The following ACTN1 variants were observed in gnomAD, a reference collection of about 807,000 sequenced individuals.
ACTN1 encodes actinin alpha 1.
Under a neutral mutation model 119.6 loss-of-function variants are expected in ACTN1, and 30 were observed. The ratio of observed to expected loss-of-function variants is 0.25; its 90% CI spans 0.19 to 0.34. The LOEUF (loss-of-function observed/expected upper bound fraction) is 0.34. Among genes scored for constraint, ACTN1 ranks in the 10% least tolerant of loss-of-function variants. The pLI, the probability that ACTN1 is intolerant of heterozygous loss-of-function variation, is 1.00. For synonymous variants in ACTN1, 429 were observed against 472.6 expected (o/e 0.91, Z 1.20); for missense variants, 764 against 1,223.4 (o/e 0.62, Z 5.60).
Position 68,979,268 on chromosome 14 carries a change from T to G in ACTN1, c.-212A>C. 1 of 302,208 alleles carries G rather than the reference T, an allele frequency of 3.3e-6. No individual in the cohort carries two copies. Among genetic ancestry groups the G allele is most frequent in the Non-Finnish European group, 5.9e-6 (1 of 169,188 alleles). 18.7% of individuals were successfully genotyped at this position (302,208 alleles called of 1,614,324 possible). A position where few individuals can be genotyped will look rare whatever the true frequency, so the allele number is the denominator to read the frequency against. The stretch of plus-strand genomic sequence containing the variant: ...GCTGGGCTCGCGGACTGCCTGCCTC[T>G]GGGCGGGCGCTTGGACCTAATCTCC... On this transcript the variant is annotated 5_prime_UTR_variant, in exon 1 of 22. Coordinates refer to ENST00000394419, the MANE Select transcript of ACTN1 (RefSeq NM_001130004.2).
chr14:68,928,720 T>C lies in ACTN1; in HGVS notation c.106-3048A>G, dbSNP rs2077431. ...CAGTGAACAGTGGGGAGGAGGAAGA[T>C]GACAGGACTAGCTCCCCCAAAATGA... On this transcript the variant is annotated intron_variant, in intron 1 of 21. Coordinates refer to ENST00000394419, the MANE Select transcript of ACTN1 (RefSeq NM_001130004.2). Among the ~76,000 whole-genome samples the C allele has an allele frequency of 3.9e-5, 6 of 151,964 alleles. No individual in the cohort carries two copies. In the East Asian group the frequency reaches 5.8e-4, roughly 15 times the overall value.
At chr14:68,895,372 A>G (rs2032797419) in intron 8 of ACTN1, among the ~76,000 whole-genome samples, 1 of 152,224 alleles carries the variant, frequency 6.6e-6, no homozygotes, top group Admixed American at 6.5e-5. Flanking sequence ...GGGGAATCCC[A>G]AGAAGCAACG....
chr14:68,935,390 T>C (rs1490995698), intron 1 of ACTN1, among the ~76,000 whole-genome samples: 2 of 67,646 alleles, frequency 3.0e-5, no homozygotes, highest in Admixed American at 1.5e-4. Flanking sequence ...TCTGTTCATT[T>C]TTTTTTTTTT....
intron 13 of ACTN1, 111 bp from the exon 14 acceptor site, chr14:68,884,419 G>A: frequency 7.6e-7 from 1 of 1,308,292 alleles, no homozygotes; most frequent in Non-Finnish European, 1.1e-6. Flanking sequence ...GACTCAATCA[G>A]GCAGAAAGAA....
At chr14:68,944,329 C>T (rs2035860146) in intron 1 of ACTN1, among the ~76,000 whole-genome samples, 1 of 152,172 alleles carries the variant, frequency 6.6e-6, no homozygotes, top group Non-Finnish European at 1.5e-5. Flanking sequence ...TTGGACTGGC[C>T]CGATGTTGGC....
chr14:68,929,006 A>ATGAG (rs2035074682), intron 1 of ACTN1, among the ~76,000 whole-genome samples: 1 of 133,750 alleles, frequency 7.5e-6, no homozygotes, highest in African/African-American at 2.9e-5. Context: ...ACTGTGGCAC[A>ATGAG]TTCGTGGGAG....
chr14:68,902,672 T>C, intron 7 of ACTN1, 110 bp from the exon 8 acceptor site: 2 of 881,332 alleles, frequency 2.3e-6, no homozygotes, highest in Non-Finnish European at 1.8e-6. Context: ...TGCCAAAATG[T>C]GGAGCCCGAA....
At chr14:68,881,955 T>TTTTTTTTTGA (rs58500225) in intron 16 of ACTN1, among the ~76,000 whole-genome samples, 1,658 of 102,708 alleles carry the variant, frequency 0.016, 222 homozygotes, top group African/African-American at 0.037. Context: ...TTTTTTTTTT[T>TTTTTTTTTGA]GACAGAGTCT....
In ACTN1 at chr14:68,882,544, C is replaced by T; in HGVS notation, c.1867G>A (p.Ala623Thr). The T allele has an allele frequency of 1.2e-6, 2 of 1,614,190 alleles. No individual in the cohort carries two copies. The highest frequency in any genetic ancestry group is 8.5e-7 in the Non-Finnish European group (1 of 1,180,040). Residue 623 changes from alanine to threonine, a missense_variant, in exon 16 of 22, where the codon GCC (alanine) becomes ACC (threonine). Around this residue, in one of 4 missense-constraint regions of ACTN1, gnomAD observed 544 missense variants for 912.0 expected, o/e 0.60. Coordinates refer to ENST00000394419, the MANE Select transcript of ACTN1 (RefSeq NM_001130004.2). This position sits in a 1 kb window ranked among gnomAD's most constrained non-coding sequence, Gnocchi z 4.5. ...RRDQALTEEH[A>T]RQQHNERLRK... ...AGCCTCTCATTGTGCTGCTGTCGGGCATGCTCCTCCGTCAGAGCTTGGTCC... is the reference window on the plus strand; with the variant it reads ...AGCCTCTCATTGTGCTGCTGTCGGGTATGCTCCTCCGTCAGAGCTTGGTCC...
At chr14:68,939,939 C>A (rs968441621) in intron 1 of ACTN1, among the ~76,000 whole-genome samples, 10 of 152,184 alleles carry the variant, frequency 6.6e-5, no homozygotes, top group African/African-American at 2.4e-4. Flanking sequence ...AGAGCCCTCT[C>A]GGGGGACTGA....
chr14:68,909,691 C>T lies in ACTN1; in HGVS notation c.515+264G>A, dbSNP rs1484391445. Among the ~76,000 whole-genome samples the T allele has an allele frequency of 1.3e-5, 2 of 152,196 alleles. No homozygotes were observed. The highest frequency in any genetic ancestry group is 6.5e-5 in the Admixed American group (1 of 15,282). Reference sequence around the variant, plus strand: ...GTTCCAGAGCCCTGGGCTGGGACTTCCTGGACAATTTCCTTGGGGGCGCTC... The same window carrying T: ...GTTCCAGAGCCCTGGGCTGGGACTTTCTGGACAATTTCCTTGGGGGCGCTC... On this transcript the variant is annotated intron_variant, in intron 5 of 21. Coordinates refer to ENST00000394419, the MANE Select transcript of ACTN1 (RefSeq NM_001130004.2). This position sits in a 1 kb window ranked among gnomAD's most constrained non-coding sequence, Gnocchi z 4.1.
At chr14:68,930,085 C>T (rs910284167) in intron 1 of ACTN1, among the ~76,000 whole-genome samples, 1 of 152,228 alleles carries the variant, frequency 6.6e-6, no homozygotes, top group African/African-American at 2.4e-5. Flanking sequence ...ATGTGATATA[C>T]TTCCTTTAAA....
chr14:68,894,163 G>A (rs73284973), intron 8 of ACTN1, among the ~76,000 whole-genome samples: 8,804 of 152,256 alleles, frequency 0.058, 370 homozygotes, highest in Middle Eastern at 0.11. Flanking sequence ...ATTTTCCAGG[G>A]TCTTGGAGAT....
intron 7 of ACTN1, 94 bp downstream of exon 7, chr14:68,904,561 C>T (rs984645682): frequency 2.2e-5 from 25 of 1,128,036 alleles, no homozygotes; most frequent in South Asian, 4.0e-5. Context: ...GGCCTCCTCC[C>T]GTCCAGCCCC....
In ACTN1 at chr14:68,878,571, G is replaced by A. The variant is rs2140053368; in HGVS notation, c.2362-48C>T. On this transcript the variant is annotated intron_variant, in intron 19 of 21. Transcript: ENST00000394419. The surrounding 1 kb of genome is among the most constrained non-coding windows in gnomAD (Gnocchi z 4.4). ...GACACAAGGAGGGTCGGGAAGGCAG[G>A]AAGAGGAAGGGCCGGCCCGGGGCCA... 1.2e-6 allele frequency: 2 copies of A among 1,611,782 alleles called. No homozygotes were observed. The highest frequency in any genetic ancestry group is 8.5e-7 in the Non-Finnish European group (1 of 1,179,036).
intron 1 of ACTN1, among the ~76,000 whole-genome samples, chr14:68,950,852 C>G (rs1053474443): frequency 6.6e-6 from 1 of 152,134 alleles, no homozygotes; most frequent in Non-Finnish European, 1.5e-5. Context: ...TGAGCCACCA[C>G]GTCCGGCCCT....
chr14:68,933,112 G>A (rs1005221817), intron 1 of ACTN1, among the ~76,000 whole-genome samples: 19 of 151,876 alleles, frequency 1.3e-4, no homozygotes, highest in African/African-American at 4.4e-4. Flanking sequence ...GGACAAGTTA[G>A]TCCTTACCTC....
At chr14:68,905,567 T>A (rs1432343854) in intron 6 of ACTN1, among the ~76,000 whole-genome samples, 1 of 152,166 alleles carries the variant, frequency 6.6e-6, no homozygotes, top group Non-Finnish European at 1.5e-5. Context: ...CATTGATGGA[T>A]GAACGGATGA....
intron 1 of ACTN1, among the ~76,000 whole-genome samples, chr14:68,955,827 A>G (rs977471265): frequency 1.3e-5 from 2 of 152,258 alleles, no homozygotes; most frequent in African/African-American, 4.8e-5. Flanking sequence ...AGCAGTTTAC[A>G]ACCAGGAAAG....
Sources: gnomAD v4.1 joint callset for allele counts (sites outside exome capture counted in the v4.1 genomes callset) on GRCh38, gnomAD v4.1.1 for gene constraint, gnomAD v4.1.1 regional missense constraint, Gnocchi (gnomAD v3.1) non-coding constraint, MANE v1.5 for transcripts, NCBI Gene and HGNC (gene_info 2026-07-23, HGNC 2026-07-21) for gene names.